The following SYNE3 variants were observed in gnomAD, a reference collection of about 807,000 sequenced individuals.
SYNE3 encodes nesprin-3.
SYNE3 carries 100 observed loss-of-function variants against 111.2 expected under a neutral mutation model. That is an observed-to-expected ratio of 0.90 (90% CI 0.77 to 1.06). The LOEUF is 1.06. Ranked by LOEUF, SYNE3 falls within the 50% of genes least tolerant of loss-of-function variation. The probability of loss-of-function intolerance (pLI) is 0.00; values close to 1 mark genes in which losing one functional copy is unlikely to be tolerated. For synonymous variants in SYNE3, 547 were observed against 533.9 expected, an observed-to-expected ratio of 1.02 and a Z score of -0.34; for missense variants, 1,160 against 1,240.3, an observed-to-expected ratio of 0.94 and a Z score of 0.97.
At chr14:95,486,041 G>A (rs1173610945) in intron 1 of SYNE3, among the ~76,000 whole-genome samples, 2 of 152,138 alleles carry the variant, frequency 1.3e-5, no homozygotes, top group African/African-American at 4.8e-5. Context: ...GCAGAAGGGA[G>A]AAGGGCTGTG....
intron 1 of SYNE3, among the ~76,000 whole-genome samples, chr14:95,513,201 C>T (rs1169612197): frequency 6.6e-6 from 1 of 152,160 alleles, no homozygotes; most frequent in Non-Finnish European, 1.5e-5. Flanking sequence ...CGTGGTAATG[C>T]TTGGCTTTTA....
At chr14:95,421,783 C>T (rs72692747) in intron 17 of SYNE3, among the ~76,000 whole-genome samples, 14,173 of 152,268 alleles carry the variant, frequency 0.093, 740 homozygotes, top group South Asian at 0.12. Context: ...CCTCCTTAAA[C>T]GCTATCTCTC....
intron 16 of SYNE3, among the ~76,000 whole-genome samples, chr14:95,432,464 G>A (rs1486249224): frequency 6.6e-6 from 1 of 152,082 alleles, no homozygotes; most frequent in South Asian, 2.1e-4. Context: ...GAGGCTGAAA[G>A]GGCCCTTAAG....
Position 95,495,925 on chromosome 14 carries a change from G to A in SYNE3, c.-14-20090C>T, listed in dbSNP as rs535362494. 2.6e-5 allele frequency among the ~76,000 whole-genome samples: 4 copies of A among 152,308 alleles called. No individual in the cohort carries two copies. In the East Asian group the frequency reaches 5.8e-4, roughly 22 times the overall value. On this transcript the variant is annotated intron_variant, in intron 1 of 17. Transcript: ENST00000682763. ...TTGGGGTTATGGCAGCTGGGCCTGC[G>A]AAGCCTTCCCCAGTGGGCCTCTCAA...
intron 1 of SYNE3, among the ~76,000 whole-genome samples, chr14:95,481,562 C>G (rs1006398844): frequency 1.3e-5 from 2 of 152,216 alleles, no homozygotes; most frequent in Non-Finnish European, 2.9e-5. Context: ...GGAGACACCA[C>G]CCAGGGCGGA....
rs1160535218 is a variant in SYNE3, at chr14:95,412,743, C to T, written c.*5083G>A. On this transcript the variant is annotated 3_prime_UTR_variant, in exon 18 of 18. Transcript: ENST00000682763. ...CCTGCACTAAGCAATCCTCAAGCTG[C>T]TCTCTTCTCCCAACCATCTCCTGGG... The T allele has an allele frequency of 6.6e-6, 1 of 152,254 alleles. No individual in the cohort carries two copies. The highest frequency in any genetic ancestry group is 1.5e-5 in the Non-Finnish European group (1 of 68,056). The allele number at this position is 152,254 out of a possible 1,614,324, so 9.4% of individuals were successfully genotyped here. A position where few individuals can be genotyped will look rare whatever the true frequency, so the allele number is the denominator to read the frequency against.
In SYNE3 at chr14:95,445,950, G is replaced by A; in HGVS notation, c.1591C>T (p.Leu531=). The A allele has an allele frequency of 6.2e-7, 1 of 1,614,156 alleles. No individual in the cohort carries two copies. The highest frequency in any genetic ancestry group is 8.5e-7 in the Non-Finnish European group (1 of 1,180,050). Residue 531 remains leucine (L), a synonymous_variant, in exon 9 of 18, where the codon CTG becomes TTG. Transcript: ENST00000682763. The part of the protein sequence containing the change: ...QVAGSMRDRD[L]LHNSLLQRKS... The stretch of plus-strand genomic sequence containing the variant: ...CTCTGCAGGAGGCTGTTATGCAGCA[G>A]GTCTCTGTCCCTCATGGAACCTGCC...
chr14:95,509,048 G>A (rs923871341), intron 1 of SYNE3, among the ~76,000 whole-genome samples: 7 of 152,238 alleles, frequency 4.6e-5, no homozygotes, highest in Admixed American at 3.3e-4. Context: ...GAGCAGGGAT[G>A]TGAGGATAAT....
chr14:95,496,053 G>T (rs1890080524), intron 1 of SYNE3, among the ~76,000 whole-genome samples: 1 of 152,248 alleles, frequency 6.6e-6, no homozygotes. Context: ...GCCGGGAGAA[G>T]ATGAAGGCCA....
chr14:95,473,699 G>T (rs934807724), intron 2 of SYNE3, among the ~76,000 whole-genome samples: 1 of 151,418 alleles, frequency 6.6e-6, no homozygotes, highest in Non-Finnish European at 1.5e-5. Context: ...AGGCTGGTGT[G>T]AGCTTGCGAG....
rs1434031070 is a variant in SYNE3, at chr14:95,485,227, G to A, written c.-14-9392C>T. On this transcript the variant is annotated intron_variant, in intron 1 of 17. Transcript: ENST00000682763. The surrounding 1 kb of genome is among the most constrained non-coding windows in gnomAD (Gnocchi z 4.3). ...CCAAGATTAGAAATCAGAAAGCAAT[G>A]AAACTGCAAAGAACCCCTGCCCTTC... Among the ~76,000 whole-genome samples, 1 of 152,170 alleles carries A rather than the reference G, an allele frequency of 6.6e-6. No homozygotes were observed. Among genetic ancestry groups the A allele is most frequent in the Non-Finnish European group, 1.5e-5 (1 of 68,022 alleles).
intron 2 of SYNE3, 99 bp from the exon 3 acceptor site, chr14:95,468,066 G>C: frequency 7.3e-7 from 1 of 1,372,886 alleles, no homozygotes; most frequent in Non-Finnish European, 9.8e-7. Flanking sequence ...AGGACTCGAA[G>C]GCCAGAGGAT....
In SYNE3 at chr14:95,412,298, G is replaced by A. The variant is rs1259806402; in HGVS notation, c.*5528C>T. 3.3e-5 allele frequency: 5 copies of A among 152,356 alleles called. No individual in the cohort carries two copies. Among genetic ancestry groups the A allele is most frequent in the East Asian group, 3.9e-4 (2 of 5,176 alleles). 9.4% of individuals were successfully genotyped at this position (152,356 alleles called of 1,614,324 possible). ...GGCTCTTCCAGTTTCTGTGACAGTGGGCCTGCCCCCTCTGGAAAGGCAGAT... is the reference window on the plus strand; with the variant it reads ...GGCTCTTCCAGTTTCTGTGACAGTGAGCCTGCCCCCTCTGGAAAGGCAGAT... On this transcript the variant is annotated 3_prime_UTR_variant, in exon 18 of 18. Coordinates refer to ENST00000682763, the MANE Select transcript of SYNE3 (RefSeq NM_152592.6).
intron 4 of SYNE3, among the ~76,000 whole-genome samples, chr14:95,463,235 A>G (rs1332163716): frequency 6.6e-6 from 1 of 152,242 alleles, no homozygotes; most frequent in Non-Finnish European, 1.5e-5. Context: ...GGTCAGAGAC[A>G]GGAAAAGGTT....
chr14:95,467,680 G>T, intron 3 of SYNE3, 115 bp downstream of exon 3: 1 of 1,284,072 alleles, frequency 7.8e-7, no homozygotes, highest in Non-Finnish European at 1.1e-6. Flanking sequence ...AGAATATCCT[G>T]TCCCCCAGAA....
At chr14:95,479,800 C>A (rs1021823298) in intron 1 of SYNE3, among the ~76,000 whole-genome samples, 1 of 152,150 alleles carries the variant, frequency 6.6e-6, no homozygotes, top group African/African-American at 2.4e-5. Flanking sequence ...GGAGGCACTG[C>A]CTGCTGAGGG....
intron 1 of SYNE3, among the ~76,000 whole-genome samples, chr14:95,503,645 G>A (rs1381307683): frequency 5.3e-5 from 6 of 114,046 alleles, no homozygotes; most frequent in African/African-American, 2.0e-4. Flanking sequence ...TTTGAGACAG[G>A]TCTCTCTTTG....
chr14:95,431,984 A>G, intron 17 of SYNE3, 95 bp downstream of exon 17: 2 of 1,430,140 alleles, frequency 1.4e-6, no homozygotes, highest in Admixed American at 4.1e-5. Context: ...GGAACCTTCC[A>G]GAAAGCCCAC....
At chr14:95,493,417 C>G (rs2046211219) in intron 1 of SYNE3, among the ~76,000 whole-genome samples, 1 of 152,192 alleles carries the variant, frequency 6.6e-6, no homozygotes, top group African/African-American at 2.4e-5. Context: ...ACTGGTTTTG[C>G]CCAGGAGGCA....
Sources: gnomAD v4.1 joint callset for allele counts (sites outside exome capture counted in the v4.1 genomes callset) on GRCh38, gnomAD v4.1.1 for gene constraint, Gnocchi (gnomAD v3.1) non-coding constraint, MANE v1.5 for transcripts, NCBI Gene and HGNC (gene_info 2026-07-23, HGNC 2026-07-21) for gene names.